Variants in SDHAF3 observed in about 807,000 individuals in gnomAD.
The protein encoded by SDHAF3 is succinate dehydrogenase complex assembly factor 3.
A neutral mutation model predicts 11.5 loss-of-function variants in SDHAF3; 18 were observed. The observed-to-expected ratio is 1.56, with a 90% confidence interval of 1.08 to 2.32. SDHAF3 has a LOEUF of 2.32. Ranked by LOEUF, SDHAF3 falls within the 30% of genes most tolerant of loss-of-function variation. The pLI, the probability that SDHAF3 is intolerant of heterozygous loss-of-function variation, is 0.00. For synonymous variants in SDHAF3, 72 were observed against 59.3 expected, an observed-to-expected ratio of 1.21 and a Z score of -0.99; for missense variants, 200 against 154.4, an observed-to-expected ratio of 1.30 and a Z score of -1.57.
At chr7:97,129,940 G>A (rs1791640586) in intron 1 of SDHAF3, among the ~76,000 whole-genome samples, 1 of 152,142 alleles carries the variant, frequency 6.6e-6, no homozygotes, top group Non-Finnish European at 1.5e-5. Context: ...GGCAGCTTCA[G>A]GCACTGGCTT....
chr7:97,139,127 A>G (rs1279572337), intron 1 of SDHAF3, among the ~76,000 whole-genome samples: 2 of 152,228 alleles, frequency 1.3e-5, no homozygotes, highest in Non-Finnish European at 2.9e-5. Flanking sequence ...CCACAGTGTT[A>G]CAGCCTTTTT....
At chr7:97,152,303 G>A (rs1157313653) in intron 1 of SDHAF3, among the ~76,000 whole-genome samples, 1 of 152,198 alleles carries the variant, frequency 6.6e-6, no homozygotes, top group Non-Finnish European at 1.5e-5. Context: ...ACTCATATCA[G>A]CCTCCCTGAA....
chr7:97,137,454 C>T (rs1274947225), intron 1 of SDHAF3, among the ~76,000 whole-genome samples: 1 of 152,170 alleles, frequency 6.6e-6, no homozygotes, highest in Non-Finnish European at 1.5e-5. Context: ...GTTTCAAGAT[C>T]AAGTTCAAGT....
intron 1 of SDHAF3, among the ~76,000 whole-genome samples, chr7:97,169,070 G>A (rs779307052): frequency 2.6e-5 from 4 of 152,114 alleles, no homozygotes; most frequent in African/African-American, 7.2e-5. Context: ...GGTGGCTCAT[G>A]CCTGTAATCC....
intron 1 of SDHAF3, among the ~76,000 whole-genome samples, chr7:97,120,393 T>C (rs753105667): frequency 1.3e-5 from 2 of 151,984 alleles, no homozygotes; most frequent in African/African-American, 2.4e-5. Flanking sequence ...TTTGAAAGAG[T>C]AGGGCTAGAG....
intron 1 of SDHAF3, among the ~76,000 whole-genome samples, chr7:97,173,657 A>G (rs1443992082): frequency 6.7e-6 from 1 of 149,692 alleles, no homozygotes. Context: ...GGTTGATGCC[A>G]GTCTCCTGCC....
At chr7:97,160,483 AAG>A (rs928312743) in intron 1 of SDHAF3, among the ~76,000 whole-genome samples, 1 of 152,114 alleles carries the variant, frequency 6.6e-6, no homozygotes, top group Non-Finnish European at 1.5e-5. Context: ...GGGGAAAAGA[AAG>A]AGAGATCAGA....
chr7:97,150,838 A>G (rs1013879045), intron 1 of SDHAF3, among the ~76,000 whole-genome samples: 3 of 152,096 alleles, frequency 2.0e-5, no homozygotes, highest in Admixed American at 6.5e-5. Flanking sequence ...CTGGGATTAC[A>G]GGTGTGAGCC....
intron 1 of SDHAF3, among the ~76,000 whole-genome samples, chr7:97,174,997 G>T (rs1382418831): frequency 1.3e-5 from 2 of 152,062 alleles, no homozygotes; most frequent in South Asian, 4.1e-4. Flanking sequence ...AGGCTTACTA[G>T]GTGTATTTTT....
chr7:97,147,836 C>T (rs577763708), intron 1 of SDHAF3, among the ~76,000 whole-genome samples: 2 of 152,298 alleles, frequency 1.3e-5, no homozygotes, highest in East Asian at 1.9e-4. Context: ...TACTTTGGTA[C>T]TCTGCTCCAC....
At chr7:97,163,653 T>G (rs1036858470) in intron 1 of SDHAF3, among the ~76,000 whole-genome samples, 2 of 152,208 alleles carry the variant, frequency 1.3e-5, no homozygotes, top group Non-Finnish European at 2.9e-5. Flanking sequence ...CCATTAACAT[T>G]TGAGGTTAAT....
At chr7:97,118,586 T>C (rs1221288182) in intron 1 of SDHAF3, among the ~76,000 whole-genome samples, 2 of 151,746 alleles carry the variant, frequency 1.3e-5, no homozygotes, top group African/African-American at 4.8e-5. Context: ...AAAAAAGATA[T>C]TCAGAGTATT....
chr7:97,162,627 C>T (rs1282754511), intron 1 of SDHAF3, among the ~76,000 whole-genome samples: 1 of 152,114 alleles, frequency 6.6e-6, no homozygotes, highest in Non-Finnish European at 1.5e-5. Flanking sequence ...ATATTTATTT[C>T]TGGCTTCATT....
At chr7:97,119,534 C>G (rs1284452036) in intron 1 of SDHAF3, among the ~76,000 whole-genome samples, 1 of 152,116 alleles carries the variant, frequency 6.6e-6, no homozygotes, top group East Asian at 1.9e-4. Flanking sequence ...CATCCTGTTT[C>G]CCCCTGTGTT....
intron 1 of SDHAF3, chr7:97,136,356 G>A (rs1387968712): frequency 1.7e-6 from 1 of 591,190 alleles, no homozygotes; most frequent in Admixed American, 2.5e-5. Context: ...GTGTAAACCT[G>A]TATTTGCATA....
chr7:97,140,882 G>A (rs1789023916), intron 1 of SDHAF3, among the ~76,000 whole-genome samples: 1 of 152,238 alleles, frequency 6.6e-6, no homozygotes, highest in Admixed American at 6.5e-5. Context: ...AGGGAACAAG[G>A]GAGATAACCT....
At chr7:97,180,870 A>ACTATATTTATAT in intron 1 of SDHAF3, 142 bp from the exon 2 acceptor site, 1 of 709,720 alleles carries the variant, frequency 1.4e-6, no homozygotes, top group Non-Finnish European at 2.3e-6. Context: ...TATCTTCACA[A>ACTATATTTATAT]CTATATTTAT....
chr7:97,162,977 A>T (rs1789436899), intron 1 of SDHAF3, among the ~76,000 whole-genome samples: 3 of 152,142 alleles, frequency 2.0e-5, no homozygotes, highest in African/African-American at 4.8e-5. Context: ...TCTGTCCAGT[A>T]TTGACAGTGG....
Position 97,154,404 on chromosome 7 carries a change from C to G in SDHAF3, c.175-26608C>G, listed in dbSNP as rs555628254. On this transcript the variant is annotated intron_variant, in intron 1 of 1. Coordinates refer to ENST00000432641, the MANE Select transcript of SDHAF3 (RefSeq NM_020186.3). ...ACTAATGACTAGTGATGATGAACAT[C>G]TTGTGCTTATTTTTCACCTTTATAT... 3.9e-5 allele frequency among the ~76,000 whole-genome samples: 6 copies of G among 152,228 alleles called. No individual in the cohort carries two copies. In the East Asian group the frequency reaches 1.2e-3, roughly 29 times the overall value.
Sources: allele counts gnomAD v4.1 joint callset (sites outside exome capture counted in the v4.1 genomes callset), GRCh38; gene constraint gnomAD v4.1.1; transcripts MANE v1.5; gene names NCBI Gene and HGNC (gene_info 2026-07-23, HGNC 2026-07-21).